PSG2: variants seen among roughly 807,000 people sequenced by gnomAD.
The protein encoded by PSG2 is pregnancy specific beta-1-glycoprotein 2.
In PSG2, 49 loss-of-function variants were observed where a neutral mutation model predicts 36.2. The observed-to-expected ratio is 1.35, with a 90% CI of 1.08 to 1.72. PSG2 has a LOEUF of 1.72. Among genes scored for constraint, PSG2 ranks in the 40% most tolerant of loss-of-function variants. The probability of loss-of-function intolerance (pLI) is 0.00; values close to 1 mark genes in which losing one functional copy is unlikely to be tolerated. For missense variants in PSG2, 605 were observed against 407.2 expected (o/e 1.49, Z -4.18); for synonymous variants, 261 against 155.6 (o/e 1.68, Z -5.04).
At position 43,075,405 on chromosome 19, in the gene PSG2, G is replaced by T. The variant is rs146901045; in HGVS notation, c.658C>A (p.Arg220=). Residue 220 remains arginine, a synonymous_variant, in exon 3 of 6, where the codon CGG becomes AGG. Transcript: ENST00000406487. The part of the protein sequence containing the change: ...YTAGPYECEI[R]NSGSASRSDP... ...CTGCGGCTGGCACTCCCTGAGTTCC[G>T]TATTTCACATTCATAGGGTCCTGCA... 6.2e-7 allele frequency: 1 copy of T among 1,613,148 alleles called. No homozygotes were observed. The highest frequency in any genetic ancestry group is 8.5e-7 in the Non-Finnish European group (1 of 1,179,650).
At chr19:43,081,333 C>G in intron 1 of PSG2, 87 bp from the exon 2 acceptor site, 1 of 1,367,666 alleles carries the variant, frequency 7.3e-7, no homozygotes, top group Non-Finnish European at 1.0e-6. Flanking sequence ...GAGGTCTCTT[C>G]AATCCTCAGC....
At chr19:43,081,285 A>G (rs754889404) in intron 1 of PSG2, 39 bp from the exon 2 acceptor site, 3 of 1,590,050 alleles carry the variant, frequency 1.9e-6, no homozygotes, top group African/African-American at 1.4e-5. Flanking sequence ...ATTGAGACCT[A>G]TGTATTGGGG....
chr19:43,081,214 T>C lies in PSG2; in HGVS notation c.97A>G (p.Thr33Ala), dbSNP rs1204088117. The C allele has an allele frequency of 3.7e-6, 6 of 1,612,426 alleles. No homozygotes were observed. Among genetic ancestry groups the C allele is most frequent in the Non-Finnish European group, 5.1e-6 (6 of 1,179,560 alleles). Reference sequence around the variant, plus strand: ...TGGGCTTCAATCGTGACTTGGGCAGTGGTGGGCAGGTTCCAGAAGTTTAAA... The same window carrying C: ...TGGGCTTCAATCGTGACTTGGGCAGCGGTGGGCAGGTTCCAGAAGTTTAAA... ...SLLNFWNLPT[T>A]AQVTIEAQPP... is the part of the protein sequence containing the mutation. Residue 33 changes from threonine (T) to alanine (A), a missense_variant, in exon 2 of 6, where the codon ACT (threonine) becomes GCT (alanine). Transcript: ENST00000406487.
chr19:43,075,032 A>G (rs1470826873), intron 3 of PSG2, among the ~76,000 whole-genome samples: 3 of 151,672 alleles, frequency 2.0e-5, no homozygotes, highest in South Asian at 2.1e-4. Flanking sequence ...GGCCACAGTG[A>G]CCCTGTGAGC....
At chr19:43,072,951 A>T (rs1599707437) in intron 3 of PSG2, among the ~76,000 whole-genome samples, 1 of 151,624 alleles carries the variant, frequency 6.6e-6, no homozygotes, top group Non-Finnish European at 1.5e-5. Context: ...TGGCTGGCTC[A>T]CCTTGGGTTC....
chr19:43,072,324 C>T lies in PSG2; in HGVS notation c.710-370G>A. On this transcript the variant is annotated intron_variant, in intron 3 of 5. Transcript: ENST00000406487. The stretch of plus-strand genomic sequence containing the variant: ...TGGTCATTTGGATTTAAGCTGGTGG[C>T]CTGGCCCACAGAGGAACAAAAGATA... 8.7e-6 allele frequency: 14 copies of T among 1,610,446 alleles called. No homozygotes were observed. The South Asian group carries it at 1.4e-4, about 16-fold the overall frequency.
chr19:43,072,768 A>G, intron 3 of PSG2: 1 of 1,473,220 alleles, frequency 6.8e-7, no homozygotes. Flanking sequence ...GTGTGTCACA[A>G]GACAGATGCA....
At chr19:43,076,644 G>A (rs1967900030) in intron 2 of PSG2, among the ~76,000 whole-genome samples, 1 of 151,576 alleles carries the variant, frequency 6.6e-6, no homozygotes, top group Non-Finnish European at 1.5e-5. Context: ...GAATCAGAGA[G>A]TAGAATAGTA....
chr19:43,064,969 C>A (rs907750272), intron 5 of PSG2, among the ~76,000 whole-genome samples: 3 of 151,624 alleles, frequency 2.0e-5, no homozygotes, highest in African/African-American at 7.3e-5. Flanking sequence ...GTAGCTGGGA[C>A]TACAGGTGCC....
rs71169213 is a variant in PSG2 at position 43,082,122 on chromosome 19, C to CTTTTTTTTTTTTTTTTTTT, written c.64+365_64+383dup. 5.9e-5 allele frequency: 4 copies of CTTTTTTTTTTTTTTTTTTT among 67,938 alleles called. 1 individual carries two copies. Among genetic ancestry groups the CTTTTTTTTTTTTTTTTTTT allele is most frequent in the Non-Finnish European group, 8.0e-5 (3 of 37,522 alleles). 4.2% of individuals were successfully genotyped at this position (67,938 alleles called of 1,614,324 possible). On this transcript the variant is annotated intron_variant, in intron 1 of 5. Coordinates refer to ENST00000406487, the MANE Select transcript of PSG2 (RefSeq NM_031246.4). ...CTTTCCTTTTATTTCTTTCTTCTCTCTTTTTTTTTTTTTTTTTTTTTTTTT... is the reference window on the plus strand; with the variant it reads ...CTTTCCTTTTATTTCTTTCTTCTCTCTTTTTTTTTTTTTTTTTTTTTTTTTTTTTTTTTTTTTTTTTTTT...
chr19:43,072,762 G>C (rs1967837874), intron 3 of PSG2: 1 of 1,484,780 alleles, frequency 6.7e-7, no homozygotes, highest in African/African-American at 1.4e-5. Context: ...TGGTGTGTGT[G>C]TCACAAGACA....
At chr19:43,072,406 T>G (rs1878348217) in intron 3 of PSG2, 1 of 1,612,608 alleles carries the variant, frequency 6.2e-7, no homozygotes, top group Non-Finnish European at 8.5e-7. Context: ...GGTCCCGTAT[T>G]TCACATTCAT....
intron 4 of PSG2, among the ~76,000 whole-genome samples, chr19:43,069,860 T>G (rs1967791815): frequency 6.6e-6 from 1 of 151,648 alleles, no homozygotes; most frequent in Non-Finnish European, 1.5e-5. Flanking sequence ...AATCAAAACC[T>G]TTTACATATC....
intron 5 of PSG2, chr19:43,065,517 G>A (rs867143482): frequency 7.9e-5 from 12 of 151,596 alleles, no homozygotes; most frequent in African/African-American, 2.2e-4. Context: ...TGGAACTAAT[G>A]GGTGGGGCTT....
Position 43,075,397 on chromosome 19 carries a change from T to G in PSG2, c.666A>C (p.Ser222=). 6.2e-7 allele frequency: 1 copy of G among 1,613,190 alleles called. No individual in the cohort carries two copies. Among genetic ancestry groups the G allele is most frequent in the Non-Finnish European group, 8.5e-7 (1 of 1,179,636 alleles). Residue 222 remains serine, a synonymous_variant, in exon 3 of 6, where the codon TCA becomes TCC. Coordinates refer to ENST00000406487, the MANE Select transcript of PSG2 (RefSeq NM_031246.4). ...AGPYECEIRN[S]GSASRSDPVT... ...CTGGGTCACTGCGGCTGGCACTCCC[T>G]GAGTTCCGTATTTCACATTCATAGG...
Position 43,082,298 on chromosome 19 carries a change from A to G in PSG2, c.64+208T>C, listed in dbSNP as rs1298957306. The G allele has an allele frequency of 4.2e-6, 3 of 709,050 alleles. No homozygotes were observed. The East Asian group carries it at 9.6e-5, about 23-fold the overall frequency. The allele number at this position is 709,050 out of a possible 1,614,324, so 43.9% of individuals were successfully genotyped here. ...TGGAATTACAGGAACACACGACAAT[A>G]CCTGGTTAATTTTTTGTATTTTTAG... On this transcript the variant is annotated intron_variant, in intron 1 of 5. Transcript: ENST00000406487.
chr19:43,077,688 T>C (rs528739674), intron 2 of PSG2, among the ~76,000 whole-genome samples: 7 of 151,894 alleles, frequency 4.6e-5, no homozygotes, highest in Admixed American at 1.3e-4. Flanking sequence ...CCAGTATTCC[T>C]ATTACGTGTA....
rs778936521 is a variant in PSG2, at chr19:43,080,993, G to T, written c.318C>A (p.Ser106=). ...CCCGGGTGACATTCTGGATCAGCAG[G>T]GATGCATTGGAATATGCTGTTTCTC... ...SGRETAYSNA[S]LLIQNVTRED... The change falls in exon 2 of 6, where the codon TCC becomes TCA. Residue 106 remains serine (S), a synonymous_variant. Transcript: ENST00000406487. 7 of 1,612,908 alleles carry T rather than the reference G, an allele frequency of 4.3e-6. No individual in the cohort carries two copies. In the East Asian group the frequency reaches 1.6e-4, roughly 36 times the overall value.
intron 3 of PSG2, among the ~76,000 whole-genome samples, chr19:43,074,643 G>A (rs1321291634): frequency 6.6e-6 from 1 of 151,672 alleles, no homozygotes; most frequent in East Asian, 1.9e-4. Context: ...GCTCTTCCCT[G>A]ATAGCTAGAT....
Sources: gnomAD v4.1 joint callset for allele counts (sites outside exome capture counted in the v4.1 genomes callset) on GRCh38, gnomAD v4.1.1 for gene constraint, MANE v1.5 for transcripts, NCBI Gene and HGNC (gene_info 2026-07-23, HGNC 2026-07-21) for gene names.